EIF2B5: variants seen among roughly 807,000 people sequenced by gnomAD.
EIF2B5 encodes translation initiation factor eIF2B subunit epsilon.
EIF2B5 carries 38 observed loss-of-function variants against 87.3 expected under a neutral mutation model. The ratio of observed to expected loss-of-function variants is 0.44; its 90% CI spans 0.34 to 0.57. The LOEUF is 0.57. Among genes scored for constraint, EIF2B5 ranks in the 20% least tolerant of loss-of-function variants. The pLI, the probability that EIF2B5 is intolerant of heterozygous loss-of-function variation, is 0.02. For missense variants in EIF2B5, 784 were observed against 909.5 expected (o/e 0.86, Z 1.78); for synonymous variants, 313 against 339.6 (o/e 0.92, Z 0.86).
At chr3:184,143,409 G>A (rs1713729107) in intron 12 of EIF2B5, 33 bp from the exon 13 acceptor site, 1 of 1,613,986 alleles carries the variant, frequency 6.2e-7, no homozygotes, top group African/African-American at 1.3e-5. Flanking sequence ...AAAGGCCAGT[G>A]AAGGCCCTGG....
At chr3:184,139,668 C>G (rs1271022675) in intron 5 of EIF2B5, among the ~76,000 whole-genome samples, 3 of 150,910 alleles carry the variant, frequency 2.0e-5, no homozygotes, top group Non-Finnish European at 4.4e-5. Flanking sequence ...GGTCCATGTT[C>G]AGCTGTCATA....
In EIF2B5 at chr3:184,142,042, T is replaced by G. The variant is rs113994077; in HGVS notation, c.1274T>G (p.Leu425Arg). ...DNAEVKERVTLKPRSVLTSQV... is the reference protein window; with the variant it reads ...DNAEVKERVTRKPRSVLTSQV... ...GCTGAGGTCAAGGAACGAGTGACACTGAAACCACGCTCTGTCCTCACTTCC... is the reference window on the plus strand; with the variant it reads ...GCTGAGGTCAAGGAACGAGTGACACGGAAACCACGCTCTGTCCTCACTTCC... Residue 425 changes from leucine to arginine, a missense_variant, in exon 8 of 16, where the codon CTG becomes CGG. This residue lies in a region of EIF2B5 where 660 missense variants were observed against 789.5 expected (regional missense o/e 0.84). Transcript: ENST00000648915. This position sits in a 1 kb window ranked among gnomAD's most constrained non-coding sequence, Gnocchi z 5.0. 6.2e-7 allele frequency: 1 copy of G among 1,614,160 alleles called. No homozygotes were observed. The highest frequency in any genetic ancestry group is 1.7e-5 in the Admixed American group (1 of 60,016).
intron 6 of EIF2B5, 101 bp from the exon 7 acceptor site, chr3:184,140,317 G>T: frequency 6.9e-7 from 1 of 1,445,526 alleles, no homozygotes; most frequent in African/African-American, 1.4e-5. Context: ...CTTTGTGGCA[G>T]TGAGAGGCAG....
rs149329097 is a variant in EIF2B5, at chr3:184,144,149, C to T, written c.1920C>T (p.Ala640=). ...TTAGGAACTACATAAAGCGCGCAGC[C>T]GACCATTTGGAAGCGTTAGCAGCCA... The part of the protein sequence containing the change: ...PVFRNYIKRA[A]DHLEALAAIE... Residue 640 remains alanine, a synonymous_variant, in exon 14 of 16, where the codon GCC becomes GCT. Transcript: ENST00000648915. 48 of 1,614,198 alleles carry T rather than the reference C, an allele frequency of 3.0e-5. No homozygotes were observed. In the African/African-American group the frequency reaches 4.3e-4, roughly 14 times the overall value.
chr3:184,141,805 G>A (rs1713645515), intron 7 of EIF2B5, 120 bp from the exon 8 acceptor site: 3 of 1,306,642 alleles, frequency 2.3e-6, no homozygotes, highest in Non-Finnish European at 3.3e-6. Context: ...TGACTTGCGG[G>A]ATGGGGAATG....
At chr3:184,138,096 CT>C in intron 4 of EIF2B5, 21 bp downstream of exon 4, 4 of 1,613,962 alleles carry the variant, frequency 2.5e-6, no homozygotes, top group Non-Finnish European at 3.4e-6. Context: ...ATCTGGGGTC[CT>C]TTGAGATGGG....
Position 184,135,541 on chromosome 3 carries a change from C to G in EIF2B5, c.156C>G (p.Phe52Leu). 3.1e-6 allele frequency: 5 copies of G among 1,591,166 alleles called. No homozygotes were observed. Among genetic ancestry groups the G allele is most frequent in the Non-Finnish European group, 4.3e-6 (5 of 1,169,914 alleles). The change falls in exon 1 of 16, where the codon TTC (phenylalanine) becomes TTG (leucine). Residue 52 changes from phenylalanine to leucine, a missense_variant. Coordinates refer to ENST00000648915, the MANE Select transcript of EIF2B5 (RefSeq NM_003907.3). ...PLQAVLVADS[F>L]DRRFFPISKD... ...AAGCAGTTCTGGTGGCCGATAGCTT[C>G]GATCGCCGCTTCTTCCCCATCTCCA... is the stretch of plus-strand genomic sequence containing the variant.
At chr3:184,135,924 G>A (rs1713332938) in intron 1 of EIF2B5, 2 of 356,786 alleles carry the variant, frequency 5.6e-6, no homozygotes, top group Non-Finnish European at 1.0e-5. Flanking sequence ...TAGGTGAAAA[G>A]AAACGACCTT....
In EIF2B5 at chr3:184,143,124, T is replaced by C; in HGVS notation, c.1727T>C (p.Leu576Pro). Residue 576 changes from leucine (L) to proline (P), a missense_variant, in exon 12 of 16, where the codon CTG becomes CCG. Transcript: ENST00000648915. ...EENISCDNLVLEINSLKYAYN... is the reference protein window; with the variant it reads ...EENISCDNLVPEINSLKYAYN... ...AACATTTCTTGTGACAATCTCGTCC[T>C]GGAAATCAACTCTCTCAAGTAAGAG... 6.2e-7 allele frequency: 1 copy of C among 1,613,688 alleles called. No individual in the cohort carries two copies. Among genetic ancestry groups the C allele is most frequent in the Non-Finnish European group, 8.5e-7 (1 of 1,179,828 alleles).
Position 184,135,385 on chromosome 3 carries a change from G to A in EIF2B5, c.-1G>A, listed in dbSNP as rs974633286. ...GGAAGTGGTGACCGTGAGAGAAGAA[G>A]ATGGCGGCCCCTGTAGTGGCGCCGC... On this transcript the variant is annotated 5_prime_UTR_variant, in exon 1 of 16. Coordinates refer to ENST00000648915, the MANE Select transcript of EIF2B5 (RefSeq NM_003907.3). The A allele has an allele frequency of 1.3e-6, 2 of 1,576,580 alleles. No individual in the cohort carries two copies. The highest frequency in any genetic ancestry group is 8.6e-7 in the Non-Finnish European group (1 of 1,162,318).
At chr3:184,144,399 G>T (rs1310111358) in intron 14 of EIF2B5, among the ~76,000 whole-genome samples, 175 bp downstream of exon 14, 1 of 152,190 alleles carries the variant, frequency 6.6e-6, no homozygotes, top group East Asian at 1.9e-4. Context: ...TAGCCATCTG[G>T]GGGGTGGTCT....
intron 5 of EIF2B5, chr3:184,138,904 TG>T: frequency 3.4e-6 from 1 of 297,180 alleles, no homozygotes; most frequent in Non-Finnish European, 6.7e-6. Context: ...TCAAGCAATC[TG>T]ACCACCTCAG....
At chr3:184,139,293 T>TG (rs1176328725) in intron 5 of EIF2B5, among the ~76,000 whole-genome samples, 8 of 141,030 alleles carry the variant, frequency 5.7e-5, no homozygotes, top group Non-Finnish European at 1.1e-4. Flanking sequence ...TTTTTTTTTT[T>TG]TTTTTGAGTC....
At chr3:184,144,055 T>G (rs941272234) in intron 13 of EIF2B5, 44 bp from the exon 14 acceptor site, 1 of 1,614,050 alleles carries the variant, frequency 6.2e-7, no homozygotes, top group Admixed American at 1.7e-5. Context: ...CAGGTATAGG[T>G]GAATGCTTAG....
At chr3:184,140,848 T>C in intron 7 of EIF2B5, 118 bp downstream of exon 7, 4 of 1,196,618 alleles carry the variant, frequency 3.3e-6, no homozygotes, top group Non-Finnish European at 2.4e-6. Flanking sequence ...TAAGGAACTA[T>C]AGAGCGGCTA....
rs781418689 is a variant in EIF2B5, at chr3:184,137,719, C to T, written c.420C>T (p.Ala140=). 6.2e-7 allele frequency: 1 copy of T among 1,614,132 alleles called. No homozygotes were observed. The highest frequency in any genetic ancestry group is 1.1e-5 in the South Asian group (1 of 91,078). Residue 140 remains alanine, a synonymous_variant, in exon 3 of 16, where the codon GCC becomes GCT. Coordinates refer to ENST00000648915, the MANE Select transcript of EIF2B5 (RefSeq NM_003907.3). The part of the protein sequence containing the change: ...SLGDVLRDVD[A]KALVRSDFLL... ...GAGATGTCCTCCGTGATGTTGATGC[C>T]AAGGCTTTGGTGCGCTCTGACTTTC...
chr3:184,135,489 CGGA>C lies in EIF2B5; in HGVS notation c.111_113del (p.Glu38del), dbSNP rs1161848294. ...AGCGGTGGCGGGGGAGCCAGAGGGGCGGAGGAGGAACCGCCGCCGCCCCTACAA... is the reference window on the plus strand; with the variant it reads ...AGCGGTGGCGGGGGAGCCAGAGGGGCGGAGGAACCGCCGCCGCCCCTACAA... On this transcript the variant is annotated inframe_deletion, in exon 1 of 16. Transcript: ENST00000648915. The C allele has an allele frequency of 1.3e-6, 2 of 1,579,406 alleles. No individual in the cohort carries two copies. The highest frequency in any genetic ancestry group is 1.7e-6 in the Non-Finnish European group (2 of 1,163,826).
intron 5 of EIF2B5, chr3:184,138,854 G>A (rs1713482154): frequency 3.5e-6 from 1 of 284,228 alleles, no homozygotes; most frequent in Non-Finnish European, 7.0e-6. Context: ...TAGAGACGGG[G>A]TTTTGCCATG....
rs757407803 is a variant in EIF2B5 at position 184,142,783 on chromosome 3, C to G, written c.1551C>G (p.Leu517=). 6.2e-7 allele frequency: 1 copy of G among 1,613,582 alleles called. No homozygotes were observed. The highest frequency in any genetic ancestry group is 2.2e-5 in the East Asian group (1 of 44,880). The change falls in exon 11 of 16, where the codon CTC becomes CTG. Residue 517 remains leucine (L), a synonymous_variant. Transcript: ENST00000648915. The surrounding 1 kb of genome is among the most constrained non-coding windows in gnomAD (Gnocchi z 5.0). ...TCACCCATTATGGCTTCTCAGGACT[C>G]AAGATCAACATGGAAGAAGAGAGTG... ...EEELQQNLWG[L]KINMEEESES... is the part of the protein sequence containing the mutation.
Sources: gnomAD v4.1 joint callset for allele counts (sites outside exome capture counted in the v4.1 genomes callset) on GRCh38, gnomAD v4.1.1 for gene constraint, gnomAD v4.1.1 regional missense constraint, Gnocchi (gnomAD v3.1) non-coding constraint, MANE v1.5 for transcripts, NCBI Gene and HGNC (gene_info 2026-07-23, HGNC 2026-07-21) for gene names.